The following UBE3B variants were observed in gnomAD, a reference collection of about 807,000 sequenced individuals.
UBE3B encodes ubiquitin-protein ligase E3B.
UBE3B carries 80 observed loss-of-function variants against 132.3 expected under a neutral mutation model. That is an observed-to-expected ratio of 0.60 (90% CI 0.50 to 0.73). The LOEUF (loss-of-function observed/expected upper bound fraction) is 0.73, where lower values mean the gene tolerates loss of function less well. UBE3B is among the 30% of genes least tolerant of loss of function. The pLI, the probability that UBE3B is intolerant of heterozygous loss-of-function variation, is 0.00. For missense variants in UBE3B, 1,196 were observed against 1,362.5 expected, an observed-to-expected ratio of 0.88 and a Z score of 1.92; for synonymous variants, 487 against 520.4, an observed-to-expected ratio of 0.94 and a Z score of 0.87.
chr12:109,480,245 C>T (rs1875140808), intron 1 of UBE3B, among the ~76,000 whole-genome samples: 1 of 151,014 alleles, frequency 6.6e-6, no homozygotes, highest in South Asian at 2.1e-4. Flanking sequence ...GTTAGACTTC[C>T]TGACTATACA....
At position 109,491,095 on chromosome 12, in the gene UBE3B, C is replaced by G. The variant is rs1375581329; in HGVS notation, c.681C>G (p.Gly227=). 6.2e-7 allele frequency: 1 copy of G among 1,613,928 alleles called. No homozygotes were observed. The highest frequency in any genetic ancestry group is 1.3e-5 in the African/African-American group (1 of 74,924). ...GACCCCGTCCTTGTCTATCCAAAGG[C>G]ACTTTAACAGCAGCTTTTTCTCTAG... ...LARPRPCLSK[G]TLTAAFSLAL... The change falls in exon 9 of 28, where the codon GGC becomes GGG. Residue 227 remains glycine (G), a synonymous_variant. Coordinates refer to ENST00000342494, the MANE Select transcript of UBE3B (RefSeq NM_130466.4).
chr12:109,515,248 C>CT (rs977790415), intron 18 of UBE3B, among the ~76,000 whole-genome samples: 2 of 151,820 alleles, frequency 1.3e-5, no homozygotes, highest in African/African-American at 4.8e-5. Flanking sequence ...TTGGTCATTG[C>CT]TTTTTTTGTT....
At position 109,534,853 on chromosome 12, in the gene UBE3B, C is replaced by T. The variant is rs543629319; in HGVS notation, c.*71C>T. 9.0e-5 allele frequency: 120 copies of T among 1,327,102 alleles called. No homozygotes were observed. Among genetic ancestry groups the T allele is most frequent in the Non-Finnish European group, 1.1e-4 (111 of 982,650 alleles). The allele number at this position is 1,327,102 out of a possible 1,614,324, so 82.2% of individuals were successfully genotyped here. On this transcript the variant is annotated 3_prime_UTR_variant, in exon 28 of 28. Coordinates refer to ENST00000342494, the MANE Select transcript of UBE3B (RefSeq NM_130466.4). This position sits in a 1 kb window ranked among gnomAD's most constrained non-coding sequence, Gnocchi z 5.2. Reference sequence around the variant, plus strand: ...CTTCAGCTCCCAGAGGCAGTGTGGTCCTGGGAATGTGACCAACATGCCAGG... The same window carrying T: ...CTTCAGCTCCCAGAGGCAGTGTGGTTCTGGGAATGTGACCAACATGCCAGG...
chr12:109,483,047 G>A (rs1333598069), intron 2 of UBE3B, among the ~76,000 whole-genome samples: 1 of 152,204 alleles, frequency 6.6e-6, no homozygotes, highest in African/African-American at 2.4e-5. Flanking sequence ...ATACAATGAT[G>A]ATGACAGCAA....
chr12:109,480,319 AT>A (rs1306757151), intron 1 of UBE3B, among the ~76,000 whole-genome samples: 2 of 151,966 alleles, frequency 1.3e-5, no homozygotes, highest in Non-Finnish European at 2.9e-5. Flanking sequence ...TTTAGTCCTC[AT>A]TATCAACCTC....
downstream of UBE3B, among the ~76,000 whole-genome samples, chr12:109,538,378 A>G (rs1883530042): frequency 6.6e-6 from 1 of 152,218 alleles, no homozygotes; most frequent in Non-Finnish European, 1.5e-5. The surrounding 1 kb of genome is among the most constrained non-coding windows in gnomAD (Gnocchi z 4.1). Context: ...CTGTTTTCCA[A>G]GAAGCAGAGC....
chr12:109,498,430 A>G, intron 11 of UBE3B, 77 bp downstream of exon 11: 2 of 1,530,394 alleles, frequency 1.3e-6, no homozygotes, highest in South Asian at 2.5e-5. Context: ...TCACTATTCT[A>G]GAGATTTGGT....
At chr12:109,492,198 G>A (rs1463845440) in intron 9 of UBE3B, 2 of 152,172 alleles carry the variant, frequency 1.3e-5, no homozygotes, top group Non-Finnish European at 2.9e-5. Context: ...GGTCTAGACT[G>A]TGCTTTCCAC....
chr12:109,533,653 T>G, intron 27 of UBE3B, 95 bp downstream of exon 27: 1 of 1,237,398 alleles, frequency 8.1e-7, no homozygotes, highest in Non-Finnish European at 1.2e-6. Context: ...AGTCCATATC[T>G]CAGCAAGGCA....
chr12:109,521,565 G>A lies in UBE3B; in HGVS notation c.2364+14G>A, dbSNP rs200796822. 4.6e-6 allele frequency: 7 copies of A among 1,529,324 alleles called. 1 individual carries two copies. In the East Asian group the frequency reaches 1.6e-4, roughly 35 times the overall value. The allele number at this position is 1,529,324 out of a possible 1,614,324, so 94.7% of individuals were successfully genotyped here. A position where few individuals can be genotyped will look rare whatever the true frequency, so the allele number is the denominator to read the frequency against. On this transcript the variant is annotated intron_variant, in intron 21 of 27. Transcript: ENST00000342494. The surrounding 1 kb of genome is among the most constrained non-coding windows in gnomAD (Gnocchi z 4.2). ...GCTGTGTATGAGGTAGGAACGTTAAGAAACAGAGAAATGTAAAATAAAATG... is the reference window on the plus strand; with the variant it reads ...GCTGTGTATGAGGTAGGAACGTTAAAAAACAGAGAAATGTAAAATAAAATG...
the UBE3B span, among the ~76,000 whole-genome samples, chr12:109,546,018 A>G: frequency 6.6e-6 from 1 of 152,306 alleles, no homozygotes; most frequent in East Asian, 1.9e-4. Context: ...CTTATCATTC[A>G]TGTCCCAACA....
intron 1 of UBE3B, among the ~76,000 whole-genome samples, chr12:109,478,453 C>T (rs146384073): frequency 1.3e-3 from 198 of 152,298 alleles, no homozygotes; most frequent in African/African-American, 4.1e-3. Context: ...TGAATAGTCT[C>T]TTTAAGTCGT....
chr12:109,496,486 A>G (rs528723092), intron 9 of UBE3B, among the ~76,000 whole-genome samples: 2 of 152,254 alleles, frequency 1.3e-5, no homozygotes, highest in East Asian at 1.9e-4. Context: ...TGCCTGTGCT[A>G]TTTTACCTTC....
intron 24 of UBE3B, among the ~76,000 whole-genome samples, chr12:109,529,569 G>A (rs1405420431): frequency 6.6e-6 from 1 of 152,174 alleles, no homozygotes; most frequent in African/African-American, 2.4e-5. Flanking sequence ...ACTAAGAAGG[G>A]CCCTCTTCTT....
chr12:109,517,006 T>C, intron 19 of UBE3B, 122 bp downstream of exon 19: 1 of 1,408,490 alleles, frequency 7.1e-7, no homozygotes, highest in South Asian at 1.5e-5. Flanking sequence ...AAATTAAGGC[T>C]CTGGGAGCAG....
chr12:109,515,459 T>C (rs1443385379), intron 18 of UBE3B, among the ~76,000 whole-genome samples: 1 of 151,860 alleles, frequency 6.6e-6, no homozygotes, highest in Admixed American at 6.6e-5. Flanking sequence ...AACCTGCGCC[T>C]CCCAAGTTCA....
At chr12:109,546,607 T>A in the UBE3B span, among the ~76,000 whole-genome samples, 1 of 152,246 alleles carries the variant, frequency 6.6e-6, no homozygotes, top group African/African-American at 2.4e-5. Flanking sequence ...GGGATTGAAG[T>A]AGACTGGGCA....
chr12:109,543,050 T>A, the UBE3B span, among the ~76,000 whole-genome samples: 1 of 152,204 alleles, frequency 6.6e-6, no homozygotes, highest in African/African-American at 2.4e-5. Flanking sequence ...CCAGGCTAGA[T>A]ACCATGTGGC....
rs746890451 is a variant in UBE3B at position 109,521,512 on chromosome 12, C to T, written c.2325C>T (p.Phe775=). 6.2e-7 allele frequency: 1 copy of T among 1,600,762 alleles called. No individual in the cohort carries two copies. Among genetic ancestry groups the T allele is most frequent in the Non-Finnish European group, 8.5e-7 (1 of 1,171,062 alleles). Residue 775 remains phenylalanine (F), a synonymous_variant, in exon 21 of 28, where the codon TTC becomes TTT. Coordinates refer to ENST00000342494, the MANE Select transcript of UBE3B (RefSeq NM_130466.4). The surrounding 1 kb of genome is among the most constrained non-coding windows in gnomAD (Gnocchi z 4.2). ...SYIHENYLQL[F]EFVGKMLGKA... is the part of the protein sequence containing the mutation. ...TCCATGAGAATTACCTGCAGCTCTT[C>T]GAGTTTGTGGGGAAGATGCTGGGGA...
Sources: gnomAD v4.1 joint callset for allele counts (sites outside exome capture counted in the v4.1 genomes callset) on GRCh38, gnomAD v4.1.1 for gene constraint, Gnocchi (gnomAD v3.1) non-coding constraint, MANE v1.5 for transcripts, NCBI Gene and HGNC (gene_info 2026-07-23, HGNC 2026-07-21) for gene names.